ATRNL1: variants seen among roughly 807,000 people sequenced by gnomAD.
The protein encoded by ATRNL1 is attractin-like protein 1.
A neutral mutation model predicts 182.7 loss-of-function variants in ATRNL1; 95 were observed. The ratio of observed to expected loss-of-function variants is 0.52; its 90% CI spans 0.44 to 0.62. The LOEUF is 0.62. Ranked by LOEUF, ATRNL1 falls within the 20% of genes least tolerant of loss-of-function variation. The pLI is 0.00. For synonymous variants in ATRNL1, 576 were observed against 568.3 expected, an observed-to-expected ratio of 1.01 and a Z score of -0.19; for missense variants, 1,471 against 1,679.5, an observed-to-expected ratio of 0.88 and a Z score of 2.17.
intron 27 of ATRNL1, among the ~76,000 whole-genome samples, chr10:115,765,516 G>A (rs2134155048): frequency 6.6e-6 from 1 of 152,160 alleles, no homozygotes; most frequent in South Asian, 2.1e-4. Context: ...AGTTTTAAGA[G>A]TTCTTCATAT....
intron 27 of ATRNL1, among the ~76,000 whole-genome samples, chr10:115,744,166 T>C (rs1948223300): frequency 6.6e-6 from 1 of 152,144 alleles, no homozygotes; most frequent in African/African-American, 2.4e-5. Context: ...TGGAGGAATT[T>C]TAGAAATTTT....
rs561428431 is a variant in ATRNL1 at position 115,265,130 on chromosome 10, A to G, written c.1688-63A>G. ...CTTTAATTCGGCCAATGATGTTTTC[A>G]TATTATTTGTCTTAGTTTATTCTTT... On this transcript the variant is annotated intron_variant, in intron 10 of 28. Transcript: ENST00000355044. The G allele has an allele frequency of 5.3e-5, 58 of 1,084,684 alleles. No homozygotes were observed. In the African/African-American group the frequency reaches 8.0e-4, roughly 15 times the overall value. 67.2% of individuals were successfully genotyped at this position (1,084,684 alleles called of 1,614,324 possible).
chr10:115,354,284 A>G (rs1856404625), intron 19 of ATRNL1, among the ~76,000 whole-genome samples: 1 of 151,884 alleles, frequency 6.6e-6, no homozygotes, highest in Non-Finnish European at 1.5e-5. Flanking sequence ...ATGCTTTCAG[A>G]TGTTTTCTTG....
intron 26 of ATRNL1, among the ~76,000 whole-genome samples, chr10:115,719,903 C>T (rs1458649508): frequency 6.7e-6 from 1 of 150,084 alleles, no homozygotes; most frequent in Non-Finnish European, 1.5e-5. Context: ...CTTTTTTGCC[C>T]CAGGCTGGAG....
At chr10:115,337,460 C>T (rs1160672235) in intron 19 of ATRNL1, among the ~76,000 whole-genome samples, 2 of 151,896 alleles carry the variant, frequency 1.3e-5, no homozygotes, top group Non-Finnish European at 2.9e-5. Flanking sequence ...TTTTTTTGCA[C>T]CTCTTAACTA....
intron 19 of ATRNL1, among the ~76,000 whole-genome samples, chr10:115,389,482 C>A (rs1843854096): frequency 8.5e-6 from 1 of 118,186 alleles, no homozygotes; most frequent in African/African-American, 3.2e-5. Context: ...CATTGCACTT[C>A]AGCCCGAGAC....
chr10:115,800,141 A>C (rs1949758638), intron 27 of ATRNL1, among the ~76,000 whole-genome samples: 1 of 149,796 alleles, frequency 6.7e-6, no homozygotes, highest in Admixed American at 6.7e-5. Context: ...AATCGCTTGA[A>C]CCCCACGAGA....
chr10:115,548,223 C>T (rs1349874706), intron 25 of ATRNL1, among the ~76,000 whole-genome samples: 3 of 152,180 alleles, frequency 2.0e-5, no homozygotes, highest in Admixed American at 6.6e-5. Flanking sequence ...ATCCAATCAT[C>T]GATGTGACGT....
At position 115,948,909 on chromosome 10, in the gene ATRNL1, T is replaced by C. The variant is rs1442824072; in HGVS notation, c.*4130T>C. On this transcript the variant is annotated 3_prime_UTR_variant, in exon 29 of 29. Coordinates refer to ENST00000355044, the MANE Select transcript of ATRNL1 (RefSeq NM_207303.4). ...AAGATTGTGTAAAAGTTCAAGCCCG[T>C]TTTAGAAAGCCAACATTTTATGTTA... 6.6e-6 allele frequency: 1 copy of C among 152,184 alleles called. No individual in the cohort carries two copies. The highest frequency in any genetic ancestry group is 1.5e-5 in the Non-Finnish European group (1 of 68,022). The allele number at this position is 152,184 out of a possible 1,614,324, so 9.4% of individuals were successfully genotyped here.
intron 27 of ATRNL1, among the ~76,000 whole-genome samples, chr10:115,768,529 AT>A (rs565730850): frequency 7.2e-5 from 11 of 152,166 alleles, no homozygotes; most frequent in Admixed American, 7.2e-4. Flanking sequence ...TGAGTATTCT[AT>A]TTTTTGACCA....
chr10:115,633,802 C>T (rs1247766890), intron 26 of ATRNL1, among the ~76,000 whole-genome samples: 1 of 152,088 alleles, frequency 6.6e-6, no homozygotes, highest in African/African-American at 2.4e-5. Context: ...AATAATAAAA[C>T]ATTGATATCC....
chr10:115,336,983 G>C (rs868916273), intron 19 of ATRNL1, among the ~76,000 whole-genome samples: 151 of 146,860 alleles, frequency 1.0e-3, no homozygotes, highest in African/African-American at 3.1e-3. Flanking sequence ...GTAGCTGGGG[G>C]GGGGGGACTA....
At chr10:115,106,225 G>A (rs775987681) in intron 1 of ATRNL1, among the ~76,000 whole-genome samples, 1 of 152,130 alleles carries the variant, frequency 6.6e-6, no homozygotes, top group African/African-American at 2.4e-5. Context: ...GTTGGATTTC[G>A]GACTTGCATA....
Position 115,535,515 on chromosome 10 carries a change from T to G in ATRNL1, c.3717-13943T>G, listed in dbSNP as rs193108688. Among the ~76,000 whole-genome samples the G allele has an allele frequency of 6.9e-4, 105 of 151,592 alleles. 1 individual carries two copies. The East Asian group carries it at 0.017, about 25-fold the overall frequency. On this transcript the variant is annotated intron_variant, in intron 25 of 28. Coordinates refer to ENST00000355044, the MANE Select transcript of ATRNL1 (RefSeq NM_207303.4). ...ATTCTAGTTATACATTAGTCTAAATTTTTTTCAAAGTTTTCAACTTCTTTG... is the reference window on the plus strand; with the variant it reads ...ATTCTAGTTATACATTAGTCTAAATGTTTTTCAAAGTTTTCAACTTCTTTG...
intron 26 of ATRNL1, among the ~76,000 whole-genome samples, chr10:115,586,669 G>A (rs374227327): frequency 2.5e-5 from 3 of 119,188 alleles, no homozygotes; most frequent in African/African-American, 8.1e-5. Context: ...ATTTTTTTCA[G>A]AGTTTTCAAC....
At chr10:115,591,369 C>T (rs1855892699) in intron 26 of ATRNL1, among the ~76,000 whole-genome samples, 1 of 152,230 alleles carries the variant, frequency 6.6e-6, no homozygotes, top group Non-Finnish European at 1.5e-5. Context: ...GTAATTGGCA[C>T]ATGTGGCCCT....
At chr10:115,188,026 T>C (rs1592231163) in intron 8 of ATRNL1, among the ~76,000 whole-genome samples, 1 of 121,512 alleles carries the variant, frequency 8.2e-6, no homozygotes. Flanking sequence ...GTAAGAATGA[T>C]GTATACAACT....
chr10:115,184,785 C>T (rs1248180807), intron 8 of ATRNL1, among the ~76,000 whole-genome samples: 5 of 151,774 alleles, frequency 3.3e-5, no homozygotes, highest in African/African-American at 1.2e-4. Flanking sequence ...ATGAACCCAA[C>T]TATGTTTCAA....
intron 26 of ATRNL1, among the ~76,000 whole-genome samples, chr10:115,687,390 T>G (rs577516660): frequency 6.6e-6 from 1 of 152,240 alleles, no homozygotes; most frequent in South Asian, 2.1e-4. Flanking sequence ...GTCTGGCTTA[T>G]TTTGCTTAGC....
Sources: gnomAD v4.1 joint callset for allele counts (sites outside exome capture counted in the v4.1 genomes callset) on GRCh38, gnomAD v4.1.1 for gene constraint, MANE v1.5 for transcripts, NCBI Gene and HGNC (gene_info 2026-07-23, HGNC 2026-07-21) for gene names.